Variants in DNHD1 observed in about 807,000 individuals in gnomAD.
DNHD1 encodes dynein heavy chain domain 1.
Under a neutral mutation model 458.1 loss-of-function variants are expected in DNHD1, and 383 were observed. That is an observed-to-expected ratio of 0.84 (90% CI 0.77 to 0.91). DNHD1 has a LOEUF of 0.91. Among genes scored for constraint, DNHD1 ranks in the 40% least tolerant of loss-of-function variants. The pLI, the probability that DNHD1 is intolerant of heterozygous loss-of-function variation, is 0.00. For synonymous variants in DNHD1, 2,203 were observed against 2,376.9 expected (o/e 0.93, Z 2.13); for missense variants, 5,336 against 5,866.1 (o/e 0.91, Z 2.95).
Position 6,538,742 on chromosome 11 carries a change from A to T in DNHD1, c.3257A>T (p.Tyr1086Phe). Reference protein sequence around the residue: ...CMRILGEFRSYLPLLTKLGSL... With the variant: ...CMRILGEFRSFLPLLTKLGSL... ...CGCATCCTGGGGGAGTTTCGCAGCT[A>T]CCTGCCCCTGCTCACTAAGCTGGGC... Residue 1086 changes from tyrosine (Y) to phenylalanine (F), a missense_variant, in exon 16 of 43, where the codon TAC becomes TTC. Around this residue, in one of 4 missense-constraint regions of DNHD1, gnomAD observed 3,932 missense variants for 4,365.6 expected, o/e 0.90. Coordinates refer to ENST00000254579, the MANE Select transcript of DNHD1 (RefSeq NM_144666.3). 2 of 1,548,588 alleles carry T rather than the reference A, an allele frequency of 1.3e-6. No individual in the cohort carries two copies. Among genetic ancestry groups the T allele is most frequent in the Non-Finnish European group, 1.7e-6 (2 of 1,145,074 alleles).
intron 10 of DNHD1, among the ~76,000 whole-genome samples, chr11:6,524,870 C>G (rs369057934): frequency 3.3e-5 from 5 of 152,242 alleles, no homozygotes; most frequent in African/African-American, 9.6e-5. Flanking sequence ...GTGGCCTAAA[C>G]AAAATAAAAC....
chr11:6,518,744 T>C (rs1852542499), intron 7 of DNHD1, among the ~76,000 whole-genome samples: 1 of 152,162 alleles, frequency 6.6e-6, no homozygotes, highest in South Asian at 2.1e-4. Context: ...AGAAAACATC[T>C]CACTTAGTCT....
At chr11:6,551,555 C>T (rs1037372685) in intron 24 of DNHD1, among the ~76,000 whole-genome samples, 3 of 152,100 alleles carry the variant, frequency 2.0e-5, no homozygotes, top group African/African-American at 7.2e-5. Context: ...AATTGACAAT[C>T]GCCTATTAAC....
rs777524496 is a variant in DNHD1 at position 6,567,878 on chromosome 11, T to A, written c.12351+18T>A. ...ATCAGCAGGTTTGAACCTAGTTTCT[T>A]GGCCACAGAGTGACCAGGCTCCTGT... On this transcript the variant is annotated intron_variant, in intron 36 of 42. Transcript: ENST00000254579. 5.6e-6 allele frequency: 9 copies of A among 1,598,350 alleles called. No homozygotes were observed. Among genetic ancestry groups the A allele is most frequent in the Non-Finnish European group, 7.7e-6 (9 of 1,173,244 alleles).
chr11:6,550,618 CG>C (rs1853319878), intron 24 of DNHD1, among the ~76,000 whole-genome samples: 1 of 152,158 alleles, frequency 6.6e-6, no homozygotes, highest in Admixed American at 6.5e-5. Context: ...TATAGCTGTA[CG>C]CTGTCCAAAA....
chr11:6,558,588 C>T lies in DNHD1; in HGVS notation c.9106C>T (p.Leu3036=). 6.4e-7 allele frequency: 1 copy of T among 1,551,746 alleles called. No individual in the cohort carries two copies. The highest frequency in any genetic ancestry group is 2.4e-5 in the East Asian group (1 of 40,922). The change falls in exon 26 of 43, where the codon CTG becomes TTG. Residue 3036 remains leucine, a synonymous_variant. Transcript: ENST00000254579. ...CACCCTTTTCCTGAGGCTCCTTCAA[C>T]TGGCCACTGCCAGCATTGACCGCTA... ...PSTLFLRLLQ[L]ATASIDRYEP... is the part of the protein sequence containing the mutation.
intron 24 of DNHD1, among the ~76,000 whole-genome samples, chr11:6,554,739 A>G (rs1052431026): frequency 6.6e-6 from 1 of 152,256 alleles, no homozygotes; most frequent in Non-Finnish European, 1.5e-5. Flanking sequence ...ATAATTAAAA[A>G]GACTGACAAT....
chr11:6,522,811 C>T (rs1473045520), intron 10 of DNHD1, among the ~76,000 whole-genome samples: 3 of 152,078 alleles, frequency 2.0e-5, no homozygotes, highest in East Asian at 1.9e-4. Flanking sequence ...TGAAAATTAA[C>T]CCCTTTTCAA....
At chr11:6,530,750 G>GT (rs1205866094) in intron 12 of DNHD1, among the ~76,000 whole-genome samples, 1 of 152,156 alleles carries the variant, frequency 6.6e-6, no homozygotes, top group South Asian at 2.1e-4. Flanking sequence ...TGTACAGGGG[G>GT]TTCAGGCGGG....
chr11:6,500,696 TTTGCA>T (rs1356415569), intron 3 of DNHD1, among the ~76,000 whole-genome samples: 2 of 152,196 alleles, frequency 1.3e-5, no homozygotes, highest in Non-Finnish European at 2.9e-5. Flanking sequence ...TATGGCTTAA[TTTGCA>T]TTACGTTCTC....
rs1178233340 is a variant in DNHD1 at position 6,559,120 on chromosome 11, C to G, written c.9416+14C>G. 1 of 1,551,574 alleles carries G rather than the reference C, an allele frequency of 6.4e-7. No homozygotes were observed. Among genetic ancestry groups the G allele is most frequent in the African/African-American group, 1.4e-5 (1 of 73,036 alleles). ...CAAGGCCCAGCGGTGAGTGTCCCGTCCCCTGCAGTGTACCTCCTTCTGCTC... is the reference window on the plus strand; with the variant it reads ...CAAGGCCCAGCGGTGAGTGTCCCGTGCCCTGCAGTGTACCTCCTTCTGCTC... On this transcript the variant is annotated intron_variant, in intron 27 of 42. Transcript: ENST00000254579.
At position 6,563,871 on chromosome 11, in the gene DNHD1, T is replaced by C; in HGVS notation, c.10031T>C (p.Leu3344Pro). ...LHYGLAHCRG[L>P]PTDLLLQQVE... ...TATGGGCTGGCGCATTGCCGGGGAC[T>C]GCCCACGGACCTGCTGCTGCAGCAA... Residue 3344 changes from leucine to proline, a missense_variant, in exon 31 of 43, where the codon CTG becomes CCG. This residue lies in a region of DNHD1 where 3,932 missense variants were observed against 4,365.6 expected (regional missense o/e 0.90). Transcript: ENST00000254579. 1 of 1,551,726 alleles carries C rather than the reference T, an allele frequency of 6.4e-7. No homozygotes were observed. The highest frequency in any genetic ancestry group is 8.7e-7 in the Non-Finnish European group (1 of 1,147,008).
intron 7 of DNHD1, 148 bp from the exon 8 acceptor site, chr11:6,519,452 A>G (rs1852557793): frequency 3.7e-6 from 3 of 806,456 alleles, no homozygotes; most frequent in East Asian, 2.4e-5. Flanking sequence ...GGGGTGGGGT[A>G]GGGTAAACTC....
Position 6,545,333 on chromosome 11 carries a change from G to T in DNHD1, c.4394G>T (p.Gly1465Val). 1 of 1,551,766 alleles carries T rather than the reference G, an allele frequency of 6.4e-7. No individual in the cohort carries two copies. The highest frequency in any genetic ancestry group is 1.2e-5 in the South Asian group (1 of 84,070). The stretch of plus-strand genomic sequence containing the variant: ...TTGGCACTGGTGCACATGCTGCAGG[G>T]CTGTGTGGCTGCTCGCCTTGCTCGA... ...LRLALVHMLQ[G>V]CVAARLARGP... is the part of the protein sequence containing the mutation. Residue 1465 changes from glycine (G) to valine (V), a missense_variant, in exon 21 of 43, where the codon GGC (glycine) becomes GTC (valine). Around this residue, in one of 4 missense-constraint regions of DNHD1, gnomAD observed 3,932 missense variants for 4,365.6 expected, o/e 0.90. Coordinates refer to ENST00000254579, the MANE Select transcript of DNHD1 (RefSeq NM_144666.3). The surrounding 1 kb of genome is among the most constrained non-coding windows in gnomAD (Gnocchi z 4.9).
Position 6,565,298 on chromosome 11 carries a change from G to T in DNHD1, c.10757-397G>T, listed in dbSNP as rs186957151. On this transcript the variant is annotated intron_variant, in intron 32 of 42. Transcript: ENST00000254579. The stretch of plus-strand genomic sequence containing the variant: ...ATCACCCTGATTCTTATCCGGATGG[G>T]CCCTAAATCCTGCAAGTGCCCTTAC... Among the ~76,000 whole-genome samples the T allele has an allele frequency of 3.4e-3, 516 of 152,234 alleles. 5 individuals are homozygous for T. Among genetic ancestry groups the T allele is most frequent in the African/African-American group, 0.012 (479 of 41,520 alleles).
intron 13 of DNHD1, 98 bp from the exon 14 acceptor site, chr11:6,533,583 G>C: frequency 7.0e-7 from 1 of 1,438,550 alleles, no homozygotes; most frequent in South Asian, 1.4e-5. Flanking sequence ...ACTGGGTCTG[G>C]AGACTTCACT....
rs1853274434 is a variant in DNHD1 at position 6,548,698 on chromosome 11, G to A, written c.7152G>A (p.Val2384=). 6.4e-7 allele frequency: 1 copy of A among 1,551,676 alleles called. No homozygotes were observed. The highest frequency in any genetic ancestry group is 2.4e-5 in the East Asian group (1 of 40,920). ...VDLLLSGGQP[V]LLAGEAATGK... ...TGCTTCTGTCAGGGGGACAGCCAGTGTTGCTGGCTGGAGAGGCAGCAACAG... is the reference window on the plus strand; with the variant it reads ...TGCTTCTGTCAGGGGGACAGCCAGTATTGCTGGCTGGAGAGGCAGCAACAG... The change falls in exon 24 of 43, where the codon GTG becomes GTA. Residue 2384 remains valine (V), a synonymous_variant. Coordinates refer to ENST00000254579, the MANE Select transcript of DNHD1 (RefSeq NM_144666.3). This position sits in a 1 kb window ranked among gnomAD's most constrained non-coding sequence, Gnocchi z 4.4.
chr11:6,528,676 A>G lies in DNHD1; in HGVS notation c.1992A>G (p.Gly664=), dbSNP rs1852765046. 6.4e-7 allele frequency: 1 copy of G among 1,551,626 alleles called. No homozygotes were observed. The highest frequency in any genetic ancestry group is 8.7e-7 in the Non-Finnish European group (1 of 1,146,984). The part of the protein sequence containing the change: ...HPIAGILEVR[G]CRLRGQYFPH... ...TTGCTGGTATCTTGGAGGTCCGTGG[A>G]TGTCGGCTGCGGGGCCAATACTTCC... The change falls in exon 11 of 43, where the codon GGA becomes GGG. Residue 664 remains glycine (G), a synonymous_variant. Coordinates refer to ENST00000254579, the MANE Select transcript of DNHD1 (RefSeq NM_144666.3).
At position 6,565,704 on chromosome 11, in the gene DNHD1, T is replaced by A. The variant is rs770262997; in HGVS notation, c.10766T>A (p.Leu3589His). 3.9e-6 allele frequency: 6 copies of A among 1,547,016 alleles called. No individual in the cohort carries two copies. In the South Asian group the frequency reaches 7.2e-5, roughly 19 times the overall value. Residue 3589 changes from leucine to histidine, a missense_variant, in exon 33 of 43, where the codon CTC becomes CAC. Transcript: ENST00000254579. Reference sequence around the variant, plus strand: ...AATCTTTCTGCCCCAGGGAAAGGCCTCATGAGAAATCAAAAGAGAGAGAGT... The same window carrying A: ...AATCTTTCTGCCCCAGGGAAAGGCCACATGAGAAATCAAAAGAGAGAGAGT... ...PALTEGRGKG[L>H]MRNQKRESKT...
Sources: allele counts gnomAD v4.1 joint callset (sites outside exome capture counted in the v4.1 genomes callset), GRCh38; gene constraint gnomAD v4.1.1; regional missense constraint gnomAD v4.1.1; non-coding constraint Gnocchi (gnomAD v3.1); transcripts MANE v1.5; gene names NCBI Gene and HGNC (gene_info 2026-07-23, HGNC 2026-07-21).